CSNK1G3: variants seen among roughly 807,000 people sequenced by gnomAD.
CSNK1G3 encodes casein kinase 1 gamma 3.
CSNK1G3 carries 23 observed loss-of-function variants against 64.3 expected under a neutral mutation model. The ratio of observed to expected loss-of-function variants is 0.36; its 90% CI spans 0.26 to 0.51. The LOEUF (loss-of-function observed/expected upper bound fraction) is 0.51. CSNK1G3 is among the 20% of genes least tolerant of loss of function. The probability of loss-of-function intolerance (pLI) is 0.96; values close to 1 mark genes in which losing one functional copy is unlikely to be tolerated. For missense variants in CSNK1G3, 357 were observed against 510.5 expected (o/e 0.70, Z 2.90); for synonymous variants, 158 against 162.2 (o/e 0.97, Z 0.20).
At chr5:123,599,337 A>G (rs1794024682) in intron 10 of CSNK1G3, among the ~76,000 whole-genome samples, 1 of 152,200 alleles carries the variant, frequency 6.6e-6, no homozygotes, top group South Asian at 2.1e-4. Flanking sequence ...ACTTGGGAGA[A>G]AAAGGGGCAG....
intron 1 of CSNK1G3, among the ~76,000 whole-genome samples, chr5:123,528,679 T>A (rs1429004012): frequency 9.2e-5 from 14 of 152,222 alleles, no homozygotes; most frequent in Admixed American, 9.2e-4. Flanking sequence ...GATCCTTGCC[T>A]AGTCCATTAA....
At position 123,588,158 on chromosome 5, in the gene CSNK1G3, T is replaced by C; in HGVS notation, c.759+5T>C. ...CTTCCTTGGCAAGGCTTAAAGGTAA[T>C]TGTTTTTGTGTTTCTTTATTGAATT... On this transcript the variant is annotated splice_donor_5th_base_variant and intron_variant, in intron 7 of 12. Transcript: ENST00000345990. 6.3e-7 allele frequency: 1 copy of C among 1,580,524 alleles called. No homozygotes were observed.
chr5:123,543,550 A>G (rs767983930), intron 1 of CSNK1G3, among the ~76,000 whole-genome samples: 2 of 152,230 alleles, frequency 1.3e-5, no homozygotes, highest in South Asian at 2.1e-4. Flanking sequence ...GATACTGTGT[A>G]CTACAAATTC....
At chr5:123,548,776 A>T (rs1421903840) in intron 2 of CSNK1G3, among the ~76,000 whole-genome samples, 1 of 151,976 alleles carries the variant, frequency 6.6e-6, no homozygotes, top group Admixed American at 6.6e-5. Context: ...AGGTGAATTG[A>T]TGTGCAAATA....
chr5:123,588,891 A>G (rs567418403), intron 8 of CSNK1G3, among the ~76,000 whole-genome samples: 18 of 152,270 alleles, frequency 1.2e-4, no homozygotes, highest in Admixed American at 5.9e-4. Context: ...GATTTGGTTT[A>G]GTTTTCAAAT....
At chr5:123,520,477 T>A (rs1777907798) in intron 1 of CSNK1G3, among the ~76,000 whole-genome samples, 1 of 139,960 alleles carries the variant, frequency 7.1e-6, no homozygotes, top group African/African-American at 2.6e-5. Context: ...AAAACAGTAA[T>A]TTTTTTTTTT....
At chr5:123,570,346 CTTTTTTTT>C (rs370362447) in intron 4 of CSNK1G3, among the ~76,000 whole-genome samples, 11 of 130,550 alleles carry the variant, frequency 8.4e-5, no homozygotes, top group Non-Finnish European at 1.6e-4. Context: ...ACAGTCCTTT[CTTTTTTTT>C]TTTTTTTTTT....
chr5:123,534,077 G>A (rs1780410635), intron 1 of CSNK1G3, among the ~76,000 whole-genome samples: 1 of 151,872 alleles, frequency 6.6e-6, no homozygotes, highest in Admixed American at 6.6e-5. Context: ...TTCATCTACA[G>A]TATGTATTAA....
At chr5:123,602,253 GA>G (rs980397510) in intron 10 of CSNK1G3, among the ~76,000 whole-genome samples, 4 of 152,118 alleles carry the variant, frequency 2.6e-5, no homozygotes, top group African/African-American at 9.7e-5. Flanking sequence ...TTCCATATAG[GA>G]TATAGGAAAC....
At chr5:123,611,732 A>G (rs1796371325) in intron 12 of CSNK1G3, among the ~76,000 whole-genome samples, 1 of 152,258 alleles carries the variant, frequency 6.6e-6, no homozygotes, top group South Asian at 2.1e-4. Context: ...GTTTAAGAAT[A>G]GTGAACATTA....
chr5:123,576,089 C>T (rs1048976391), intron 6 of CSNK1G3, 126 bp downstream of exon 6: 14 of 590,102 alleles, frequency 2.4e-5, no homozygotes, highest in African/African-American at 1.7e-4. Flanking sequence ...TCATTTATCA[C>T]ATCTACCTAG....
chr5:123,520,572 C>T (rs542489586), intron 1 of CSNK1G3, among the ~76,000 whole-genome samples: 1 of 151,162 alleles, frequency 6.6e-6, no homozygotes, highest in Admixed American at 6.6e-5. Flanking sequence ...TTGTATATTA[C>T]CATGAATAAA....
chr5:123,558,498 G>A (rs931811889), intron 4 of CSNK1G3, among the ~76,000 whole-genome samples: 1 of 152,150 alleles, frequency 6.6e-6, no homozygotes, highest in African/African-American at 2.4e-5. Flanking sequence ...TAATAAAATG[G>A]AATTTCTTCA....
intron 1 of CSNK1G3, among the ~76,000 whole-genome samples, chr5:123,514,420 TGGAATCAAGGAATA>T (rs1399084699): frequency 1.3e-5 from 2 of 152,206 alleles, no homozygotes; most frequent in East Asian, 3.8e-4. Context: ...CTGGAATTAG[TGGAATCAAGGAATA>T]GTTTAATTCA....
chr5:123,558,569 A>G (rs1454493770), intron 4 of CSNK1G3, among the ~76,000 whole-genome samples: 2 of 152,198 alleles, frequency 1.3e-5, no homozygotes, highest in Non-Finnish European at 2.9e-5. Flanking sequence ...TCATACTGAT[A>G]TCAGTTTTAC....
At chr5:123,576,823 T>C (rs1789256639) in intron 6 of CSNK1G3, among the ~76,000 whole-genome samples, 2 of 152,166 alleles carry the variant, frequency 1.3e-5, no homozygotes, top group Admixed American at 1.3e-4. Context: ...TTTGGGATTA[T>C]GTAAACATGT....
intron 1 of CSNK1G3, among the ~76,000 whole-genome samples, chr5:123,520,704 T>C (rs183233764): frequency 3.4e-4 from 52 of 152,226 alleles, no homozygotes; most frequent in African/African-American, 1.3e-3. Context: ...GGTACAAATA[T>C]ACATTATAAA....
At chr5:123,522,351 A>C (rs959363065) in intron 1 of CSNK1G3, among the ~76,000 whole-genome samples, 2 of 151,512 alleles carry the variant, frequency 1.3e-5, no homozygotes, top group Non-Finnish European at 2.9e-5. Flanking sequence ...AAATACAAAA[A>C]AATTAGCGGG....
chr5:123,553,095 T>G lies in CSNK1G3; in HGVS notation c.179-12T>G. ...ATTACTGGCAGAATCTGATTTTTTT[T>G]TCTTTTTCAAGGGAAAAATTTATAC... On this transcript the variant is annotated splice_polypyrimidine_tract_variant and intron_variant, in intron 2 of 12. Coordinates refer to ENST00000345990, the Ensembl canonical transcript of CSNK1G3. 7.4e-7 allele frequency: 1 copy of G among 1,358,610 alleles called. No individual in the cohort carries two copies. Among genetic ancestry groups the G allele is most frequent in the East Asian group, 2.6e-5 (1 of 38,672 alleles). The allele number at this position is 1,358,610 out of a possible 1,614,324, so 84.2% of individuals were successfully genotyped here. A position where few individuals can be genotyped will look rare whatever the true frequency, so the allele number is the denominator to read the frequency against.
Sources: allele counts gnomAD v4.1 joint callset (sites outside exome capture counted in the v4.1 genomes callset), GRCh38; gene constraint gnomAD v4.1.1; transcripts MANE v1.5; gene names NCBI Gene and HGNC (gene_info 2026-07-23, HGNC 2026-07-21).